The following PCNT variants were observed in gnomAD, a reference collection of about 807,000 sequenced individuals.
The protein encoded by PCNT is kendrin.
Under a neutral mutation model 380.4 loss-of-function variants are expected in PCNT, and 319 were observed. The ratio of observed to expected loss-of-function variants is 0.84; its 90% CI spans 0.77 to 0.92. The LOEUF is 0.92. Ranked by LOEUF, PCNT falls within the 40% of genes least tolerant of loss-of-function variation. PCNT has a pLI of 0.00. For synonymous variants in PCNT, 1,845 were observed against 1,735.2 expected, an observed-to-expected ratio of 1.06 and a Z score of -1.57; for missense variants, 4,400 against 4,255.3, an observed-to-expected ratio of 1.03 and a Z score of -0.95.
chr21:46,386,109 G>A, intron 17 of PCNT, 126 bp downstream of exon 17: 12 of 1,118,288 alleles, frequency 1.1e-5, no homozygotes, highest in Non-Finnish European at 1.6e-5. Context: ...GGCTCCTGGT[G>A]GACGGGGACC....
intron 31 of PCNT, among the ~76,000 whole-genome samples, chr21:46,419,981 G>C (rs1384786547): frequency 2.6e-5 from 4 of 152,226 alleles, no homozygotes; most frequent in Non-Finnish European, 5.9e-5. Context: ...TTGTTTTTGA[G>C]AACTTCCTCG....
intron 31 of PCNT, among the ~76,000 whole-genome samples, chr21:46,419,155 A>G (rs1035385330): frequency 1.3e-5 from 2 of 151,856 alleles, no homozygotes; most frequent in Admixed American, 6.6e-5. Flanking sequence ...AATCTGTTGG[A>G]TTTTTCAGCG....
At chr21:46,360,739 C>A (rs1160362817) in intron 13 of PCNT, among the ~76,000 whole-genome samples, 1 of 151,660 alleles carries the variant, frequency 6.6e-6, no homozygotes, top group Non-Finnish European at 1.5e-5. Flanking sequence ...AGGATGGTCT[C>A]AATCTCCTGA....
chr21:46,414,561 G>A (rs1486020393), intron 29 of PCNT, among the ~76,000 whole-genome samples: 21 of 86,826 alleles, frequency 2.4e-4, no homozygotes, highest in Middle Eastern at 0.012. Flanking sequence ...ACATGCAGCC[G>A]CCCACCCTCC....
intron 35 of PCNT, 53 bp downstream of exon 35, chr21:46,428,643 C>T (rs1043828177): frequency 8.3e-6 from 12 of 1,437,932 alleles, no homozygotes; most frequent in South Asian, 4.8e-5. Context: ...CCTGCCCGCC[C>T]GACACTCACC....
intron 46 of PCNT, among the ~76,000 whole-genome samples, chr21:46,445,040 T>TA (rs1356948146): frequency 6.7e-6 from 1 of 150,312 alleles, no homozygotes. Context: ...CAGTTTGACT[T>TA]AATCACCGTC....
At chr21:46,349,247 G>A in intron 7 of PCNT, 61 bp downstream of exon 7, 2 of 1,336,384 alleles carry the variant, frequency 1.5e-6, no homozygotes, top group Non-Finnish European at 2.2e-6. Context: ...AGTACTGGAA[G>A]GAATGTCGTT....
intron 45 of PCNT, among the ~76,000 whole-genome samples, chr21:46,444,220 G>A (rs1389544876): frequency 6.6e-6 from 1 of 152,188 alleles, no homozygotes; most frequent in Non-Finnish European, 1.5e-5. Flanking sequence ...TGAGGGATGT[G>A]CCTTGGTGAA....
At chr21:46,431,442 A>G (rs1259193912) in intron 37 of PCNT, 87 bp from the exon 38 acceptor site, 2 of 1,607,360 alleles carry the variant, frequency 1.2e-6, no homozygotes, top group Non-Finnish European at 8.5e-7. Context: ...GCTGGGCTAA[A>G]GTATATAAAC....
rs772183974 is a variant in PCNT at position 46,416,153 on chromosome 21, C to T, written c.6235C>T (p.Arg2079Cys). 3.6e-5 allele frequency: 58 copies of T among 1,614,002 alleles called. No individual in the cohort carries two copies. The Middle Eastern group carries it at 6.6e-4, about 18-fold the overall frequency. Residue 2079 changes from arginine (R) to cysteine (C), a missense_variant, in exon 30 of 47, where the codon CGT (arginine) becomes TGT (cysteine). Transcript: ENST00000359568. The stretch of plus-strand genomic sequence containing the variant: ...GAAACAGCTTCAGGAAAAACTGAAC[C>T]GTTTGCTGTATTCCATGACCTTCCA... ...QVKQLQEKLN[R>C]LLYSMTFQNV...
Position 46,428,554 on chromosome 21 carries a change from C to CGCGGGAGCCA in PCNT, c.7657_7666dup (p.Gln2556ArgfsTer13), listed in dbSNP as rs2087607819. Reference sequence around the variant, plus strand: ...CACGGCGCTGACAAGCGCAGAGGCGCGCGGGAGCCAGCAGGAGCACCAGCT... The same window carrying CGCGGGAGCCA: ...CACGGCGCTGACAAGCGCAGAGGCGCGCGGGAGCCAGCGGGAGCCAGCAGGAGCACCAGCT... On this transcript the variant is annotated frameshift_variant, in exon 35 of 47. Coordinates refer to ENST00000359568, the MANE Select transcript of PCNT (RefSeq NM_006031.6). LOFTEE classifies it high-confidence loss of function. 6.2e-7 allele frequency: 1 copy of CGCGGGAGCCA among 1,606,582 alleles called. No homozygotes were observed. The highest frequency in any genetic ancestry group is 8.5e-7 in the Non-Finnish European group (1 of 1,179,340).
intron 32 of PCNT, among the ~76,000 whole-genome samples, chr21:46,424,721 C>CG (rs1569289341): frequency 1.4e-5 from 2 of 146,640 alleles, no homozygotes; most frequent in South Asian, 2.3e-4. Flanking sequence ...TGCGCCCCCC[C>CG]CAACCCTGCT....
chr21:46,443,961 C>A lies in PCNT; in HGVS notation c.9839+13C>A. 6.2e-7 allele frequency: 1 copy of A among 1,609,242 alleles called. No individual in the cohort carries two copies. On this transcript the variant is annotated intron_variant, in intron 45 of 46. Coordinates refer to ENST00000359568, the MANE Select transcript of PCNT (RefSeq NM_006031.6). The stretch of plus-strand genomic sequence containing the variant: ...ACAGTGGGGGAAGGTCAGTGTGATG[C>A]CTTCAGGCCCCGTCTCCTGCCAGGG...
In PCNT at chr21:46,363,707, T is replaced by C; in HGVS notation, c.2382T>C (p.Ala794=). 6.2e-7 allele frequency: 1 copy of C among 1,614,170 alleles called. No homozygotes were observed. Among genetic ancestry groups the C allele is most frequent in the Non-Finnish European group, 8.5e-7 (1 of 1,180,030 alleles). ...TIINKFELRE[A]EMRQLQDQQA... ...TAAACAAGTTTGAGCTTCGAGAAGC[T>C]GAAATGAGGCAGCTTCAGGACCAAC... The change falls in exon 14 of 47, where the codon GCT becomes GCC. Residue 794 remains alanine, a synonymous_variant. Coordinates refer to ENST00000359568, the MANE Select transcript of PCNT (RefSeq NM_006031.6).
intron 28 of PCNT, among the ~76,000 whole-genome samples, chr21:46,412,634 G>A (rs935975457): frequency 6.6e-6 from 1 of 152,226 alleles, no homozygotes; most frequent in African/African-American, 2.4e-5. Flanking sequence ...GTCGTCCTGG[G>A]TCGGGGCAGC....
Position 46,381,774 on chromosome 21 carries a change from T to A in PCNT, c.3246T>A (p.Pro1082=). ...TLRLQSAQAQ[P]FHQEEKESLS... ...GGCTTCAGAGTGCACAGGCACAGCCTTTTCACCAAGAGGAGAAAGAGTCTT... is the reference window on the plus strand; with the variant it reads ...GGCTTCAGAGTGCACAGGCACAGCCATTTCACCAAGAGGAGAAAGAGTCTT... Residue 1082 remains proline, a synonymous_variant, in exon 16 of 47, where the codon CCT becomes CCA. Coordinates refer to ENST00000359568, the MANE Select transcript of PCNT (RefSeq NM_006031.6). 3 of 1,614,060 alleles carry A rather than the reference T, an allele frequency of 1.9e-6. No homozygotes were observed. Among genetic ancestry groups the A allele is most frequent in the Non-Finnish European group, 2.5e-6 (3 of 1,179,866 alleles).
At position 46,371,219 on chromosome 21, in the gene PCNT, T is replaced by C. The variant is rs527535216; in HGVS notation, c.3165+4080T>C. On this transcript the variant is annotated intron_variant, in intron 15 of 46. Coordinates refer to ENST00000359568, the MANE Select transcript of PCNT (RefSeq NM_006031.6). ...ATGGTTTATTTTCTTTCTTTCTTTT[T>C]TTTTTTTTTTTTTTAAAGACGGAGT... 2.0e-4 allele frequency among the ~76,000 whole-genome samples: 30 copies of C among 149,892 alleles called. No homozygotes were observed. The South Asian group carries it at 2.1e-3, about 10-fold the overall frequency.
rs568441212 is a variant in PCNT at position 46,433,282 on chromosome 21, C to T, written c.8751+1067C>T. The stretch of plus-strand genomic sequence containing the variant: ...CCTGTAATCCCAGCTATTCGGGAGG[C>T]TGGGGCAGGAGAATTGCTTGAACCC... On this transcript the variant is annotated intron_variant, in intron 38 of 46. Coordinates refer to ENST00000359568, the MANE Select transcript of PCNT (RefSeq NM_006031.6). Among the ~76,000 whole-genome samples, 15 of 152,320 alleles carry T rather than the reference C, an allele frequency of 9.8e-5. No individual in the cohort carries two copies. The East Asian group carries it at 2.7e-3, about 27-fold the overall frequency.
chr21:46,329,822 T>G (rs754190480), intron 2 of PCNT, among the ~76,000 whole-genome samples: 2 of 152,228 alleles, frequency 1.3e-5, no homozygotes, highest in Non-Finnish European at 2.9e-5. Context: ...CAAAAGCTGG[T>G]AAAATGTAAG....
Sources: allele counts gnomAD v4.1 joint callset (sites outside exome capture counted in the v4.1 genomes callset), GRCh38; gene constraint gnomAD v4.1.1; transcripts MANE v1.5; gene names NCBI Gene and HGNC (gene_info 2026-07-23, HGNC 2026-07-21).